Variants in LINC00632 observed in about 807,000 individuals in gnomAD.
LINC00632 encodes the protein long independently transcribed non-coding RNA 632.
chrX:140,771,452 A>G (rs1173257751), intron 3 of LINC00632, among the ~76,000 whole-genome samples: 1 of 107,815 alleles, frequency 9.3e-6, no homozygotes, highest in Non-Finnish European at 1.9e-5. Context: ...AAAGAAATCA[A>G]TTAAAACAAA....
chrX:140,785,207 T>TAATAAC (rs1932002073), exon 5 of LINC00632, among the ~76,000 whole-genome samples: 2 of 110,188 alleles, frequency 1.8e-5, no homozygotes, highest in African/African-American at 3.3e-5. Context: ...ATAATAATAA[T>TAATAAC]AACAACAACA....
exon 5 of LINC00632, among the ~76,000 whole-genome samples, chrX:140,781,956 C>T (rs1407062103): frequency 1.8e-5 from 2 of 111,984 alleles, no homozygotes; most frequent in African/African-American, 6.5e-5. Context: ...AAGCAGTTCT[C>T]TCGACCTAGA....
intron 3 of LINC00632, among the ~76,000 whole-genome samples, chrX:140,738,955 A>T (rs1312623741): frequency 8.9e-6 from 1 of 112,078 alleles, no homozygotes. Flanking sequence ...GGTTCAGTAT[A>T]CTGCTATTCT....
chrX:140,735,536 C>T (rs748819285), intron 3 of LINC00632, among the ~76,000 whole-genome samples: 6 of 110,354 alleles, frequency 5.4e-5, no homozygotes, highest in African/African-American at 1.3e-4. Context: ...TTTGCCAATA[C>T]GATAATTTTG....
In LINC00632 at chrX:140,778,494, A is replaced by G. The variant is rs980733734; in HGVS notation, n.6513A>G. On this transcript the variant is annotated non_coding_transcript_exon_variant, in exon 5 of 5. Coordinates refer to ENST00000648200, the Ensembl canonical transcript of LINC00632. ...GTGGTGCATGCCTGTAACTCCAGCT[A>G]CTGGTAAGTCTGAGGCAGGAGAATC... Among the ~76,000 whole-genome samples, 20 of 110,644 alleles carry G rather than the reference A, an allele frequency of 1.8e-4. No homozygotes were observed. The East Asian group carries it at 4.6e-3, about 25-fold the overall frequency.
At chrX:140,742,906 G>A (rs1418634894) in intron 3 of LINC00632, among the ~76,000 whole-genome samples, 1 of 101,299 alleles carries the variant, frequency 9.9e-6, no homozygotes, top group Non-Finnish European at 2.0e-5. Context: ...GAAAGGAAAG[G>A]AAAAGGGAAA....
intron 3 of LINC00632, among the ~76,000 whole-genome samples, chrX:140,743,725 C>T (rs1265886238): frequency 9.0e-6 from 1 of 111,293 alleles, no homozygotes; most frequent in East Asian, 2.8e-4. Context: ...GCACGTGACC[C>T]TGCGAGCAGT....
chrX:140,756,786 T>TC (rs199834166), intron 3 of LINC00632, among the ~76,000 whole-genome samples: 126 of 111,152 alleles, frequency 1.1e-3, no homozygotes, highest in Non-Finnish European at 2.0e-3. Flanking sequence ...ATTTTTTTTT[T>TC]CTGGGTAATT....
chrX:140,766,423 A>C (rs1158837794), intron 3 of LINC00632, among the ~76,000 whole-genome samples: 2 of 112,238 alleles, frequency 1.8e-5, no homozygotes, highest in East Asian at 2.8e-4. Flanking sequence ...GTTCCATAAC[A>C]ATCAAAGATT....
chrX:140,734,474 G>A (rs996543389), intron 3 of LINC00632, among the ~76,000 whole-genome samples: 53 of 110,633 alleles, frequency 4.8e-4, no homozygotes, highest in Non-Finnish European at 9.4e-5. Context: ...GAAATTTTAC[G>A]TAATGTTTCT....
exon 5 of LINC00632, chrX:140,783,534 A>C (rs759250938): frequency 1.4e-5 from 16 of 1,149,354 alleles, no homozygotes; most frequent in Non-Finnish European, 1.9e-5. Context: ...TGTGTCTTCC[A>C]CCAAATCCAA....
At chrX:140,749,517 G>A (rs1353657317) in intron 3 of LINC00632, among the ~76,000 whole-genome samples, 1 of 111,226 alleles carries the variant, frequency 9.0e-6, no homozygotes, top group African/African-American at 3.3e-5. Flanking sequence ...CAAGGAAGAA[G>A]GAGGCACACA....
exon 5 of LINC00632, chrX:140,784,390 C>T (rs1324431319): frequency 2.5e-6 from 3 of 1,204,340 alleles, no homozygotes; most frequent in Non-Finnish European, 3.4e-6. Context: ...TCCACGTCTT[C>T]CAGAAAATAT....
chrX:140,783,989 G>A (rs151026555), exon 5 of LINC00632: 182 of 1,209,304 alleles, frequency 1.5e-4, no homozygotes, highest in Non-Finnish European at 1.9e-4. Flanking sequence ...GACTATCCAT[G>A]TCTTCCAGAA....
At chrX:140,758,550 T>C (rs1315566867) in intron 3 of LINC00632, among the ~76,000 whole-genome samples, 1 of 110,486 alleles carries the variant, frequency 9.1e-6, no homozygotes, top group Non-Finnish European at 1.9e-5. Flanking sequence ...ATTTTTGTTT[T>C]TATTTTTAGT....
At chrX:140,742,868 A>AGAGAGAGAGAGAGAGAGAGG in intron 3 of LINC00632, among the ~76,000 whole-genome samples, 1 of 95,557 alleles carries the variant, frequency 1.0e-5, no homozygotes, top group Non-Finnish European at 2.0e-5. Context: ...AGAGAGAGAG[A>AGAGAGAGAGAGAGAGAGAGG]GAGAGAGAGA....
intron 3 of LINC00632, chrX:140,734,071 G>C (rs985727764): frequency 8.9e-6 from 1 of 112,142 alleles, no homozygotes; most frequent in Non-Finnish European, 1.9e-5. Context: ...AAGTTATAGC[G>C]ATTTCTGCTA....
At chrX:140,745,577 G>A (rs1931314618) in intron 3 of LINC00632, among the ~76,000 whole-genome samples, 1 of 111,036 alleles carries the variant, frequency 9.0e-6, no homozygotes, top group African/African-American at 3.3e-5. Flanking sequence ...TTGCATTGTC[G>A]ATTCAGCCGT....
intron 3 of LINC00632, among the ~76,000 whole-genome samples, chrX:140,771,344 T>C (rs1363043003): frequency 9.6e-6 from 1 of 104,229 alleles, no homozygotes; most frequent in Non-Finnish European, 1.9e-5. Context: ...GGATTAAAAA[T>C]AAGTTCTCTA....
Sources: allele counts gnomAD v4.1 joint callset (sites outside exome capture counted in the v4.1 genomes callset), GRCh38; gene constraint gnomAD v4.1.1; transcripts MANE v1.5; gene names NCBI Gene and HGNC (gene_info 2026-07-23, HGNC 2026-07-21).